The following MYT1L variants were observed in gnomAD, a reference collection of about 807,000 sequenced individuals.
MYT1L encodes the protein myelin transcription factor 1 like, also known as myelin transcription factor 1-like protein.
A neutral mutation model predicts 126.7 loss-of-function variants in MYT1L; 12 were observed. The ratio of observed to expected loss-of-function variants is 0.09; its 90% CI spans 0.06 to 0.15. MYT1L has a LOEUF of 0.15. Among genes scored for constraint, MYT1L ranks in the 10% least tolerant of loss-of-function variants. The pLI is 1.00. For missense variants in MYT1L, 979 were observed against 1,585.2 expected (o/e 0.62, Z 6.49); for synonymous variants, 541 against 604.2 (o/e 0.90, Z 1.53).
At chr2:1,958,236 C>G (rs1418681817) in intron 8 of MYT1L, among the ~76,000 whole-genome samples, 1 of 151,544 alleles carries the variant, frequency 6.6e-6, no homozygotes, top group South Asian at 2.1e-4. Context: ...GGAACCCAGA[C>G]AGCTGGAGGA....
intron 2 of MYT1L, among the ~76,000 whole-genome samples, chr2:2,209,737 A>C (rs61595816): frequency 0.16 from 24,462 of 152,170 alleles, 2,107 homozygotes; most frequent in African/African-American, 0.22. Flanking sequence ...GGCTCTTGTG[A>C]ATAGTCCTTC....
intron 3 of MYT1L, among the ~76,000 whole-genome samples, chr2:2,093,596 T>C (rs1273372732): frequency 6.6e-6 from 1 of 152,196 alleles, no homozygotes; most frequent in Non-Finnish European, 1.5e-5. Flanking sequence ...ATTAGCCCCT[T>C]GTCAGATGAG....
At chr2:2,065,124 G>T (rs1481507175) in intron 3 of MYT1L, among the ~76,000 whole-genome samples, 1 of 152,106 alleles carries the variant, frequency 6.6e-6, no homozygotes, top group African/African-American at 2.4e-5. Flanking sequence ...CTTGGGCCCG[G>T]AAGATTGAGG....
intron 9 of MYT1L, among the ~76,000 whole-genome samples, chr2:1,934,809 G>A (rs1356612871): frequency 4.0e-5 from 6 of 151,700 alleles, no homozygotes; most frequent in East Asian, 1.9e-4. Flanking sequence ...TTGGATGACC[G>A]TGAAGACTCC....
chr2:1,885,913 T>G (rs2048116837), intron 18 of MYT1L, among the ~76,000 whole-genome samples: 1 of 152,168 alleles, frequency 6.6e-6, no homozygotes. Flanking sequence ...AAAATCTCAG[T>G]GTTGCAGTAT....
chr2:1,867,027 G>C (rs1558212172), intron 18 of MYT1L, among the ~76,000 whole-genome samples: 1 of 141,908 alleles, frequency 7.0e-6, no homozygotes, highest in Non-Finnish European at 1.5e-5. Context: ...ATGGGGGAGA[G>C]AGGGAGAGGG....
At chr2:2,197,984 CAT>C (rs148115939) in intron 2 of MYT1L, among the ~76,000 whole-genome samples, 11,337 of 151,302 alleles carry the variant, frequency 0.075, 530 homozygotes, top group South Asian at 0.17. Flanking sequence ...AAATAACATA[CAT>C]ATATATACAT....
chr2:2,312,506 A>G (rs1573471826), intron 1 of MYT1L, among the ~76,000 whole-genome samples: 1 of 152,116 alleles, frequency 6.6e-6, no homozygotes, highest in South Asian at 2.1e-4. Flanking sequence ...CCAGCTACTC[A>G]GGAGGCTGAG....
chr2:1,933,936 T>G (rs1426321849), intron 9 of MYT1L, among the ~76,000 whole-genome samples: 1 of 151,254 alleles, frequency 6.6e-6, no homozygotes, highest in Non-Finnish European at 1.5e-5. Context: ...GATGCAGAGG[T>G]GGAAGTTCAG....
chr2:2,039,283 G>GTCTCAGC (rs2067244949), intron 4 of MYT1L, among the ~76,000 whole-genome samples: 1 of 151,956 alleles, frequency 6.6e-6, no homozygotes, highest in Non-Finnish European at 1.5e-5. Context: ...GGCACCTGTA[G>GTCTCAGC]TCTCAGCTAC....
At chr2:1,924,546 T>G (rs1271662166) in intron 9 of MYT1L, among the ~76,000 whole-genome samples, 1 of 152,204 alleles carries the variant, frequency 6.6e-6, no homozygotes, top group Non-Finnish European at 1.5e-5. Context: ...TCTATGGATT[T>G]TATGCAGAAA....
intron 1 of MYT1L, among the ~76,000 whole-genome samples, chr2:2,308,123 T>C (rs1483505788): frequency 6.6e-6 from 1 of 152,000 alleles, no homozygotes; most frequent in Non-Finnish European, 1.5e-5. Context: ...ACACTCTACG[T>C]ATACTTTACC....
chr2:1,858,887 C>T (rs1030852888), intron 18 of MYT1L, among the ~76,000 whole-genome samples: 10 of 152,222 alleles, frequency 6.6e-5, no homozygotes, highest in Non-Finnish European at 1.0e-4. Flanking sequence ...TCTGCTGCCT[C>T]CCCCATAGGC....
At chr2:1,891,816 C>T (rs186086422) in intron 15 of MYT1L, among the ~76,000 whole-genome samples, 134 of 152,328 alleles carry the variant, frequency 8.8e-4, no homozygotes, top group Non-Finnish European at 1.4e-3. Context: ...AAGATCTGAC[C>T]CTTGCCTCTG....
chr2:2,056,891 T>C (rs189136223), intron 3 of MYT1L, among the ~76,000 whole-genome samples: 3 of 152,334 alleles, frequency 2.0e-5, no homozygotes, highest in Non-Finnish European at 4.4e-5. Flanking sequence ...TGAGTGGGTT[T>C]TTCTTTACGG....
intron 4 of MYT1L, among the ~76,000 whole-genome samples, chr2:2,026,215 G>A (rs940168325): frequency 6.6e-6 from 1 of 152,172 alleles, no homozygotes; most frequent in Admixed American, 6.5e-5. Flanking sequence ...TTCACCCTAT[G>A]CCATATGACG....
At chr2:1,846,929 T>C (rs890520631) in intron 19 of MYT1L, among the ~76,000 whole-genome samples, 7 of 152,188 alleles carry the variant, frequency 4.6e-5, no homozygotes, top group African/African-American at 1.7e-4. Flanking sequence ...TGCTCCTGGC[T>C]CTTCTGCATG....
chr2:1,995,355 C>T (rs924320623), intron 5 of MYT1L, among the ~76,000 whole-genome samples: 4 of 152,250 alleles, frequency 2.6e-5, no homozygotes, highest in South Asian at 4.1e-4. Context: ...GTCCTCACTG[C>T]GCTCTCCTGC....
At chr2:2,129,844 T>G (rs983443794) in intron 3 of MYT1L, among the ~76,000 whole-genome samples, 5 of 150,132 alleles carry the variant, frequency 3.3e-5, no homozygotes, top group African/African-American at 1.2e-4. Flanking sequence ...AGGCGGAGCT[T>G]GCAGTGAGCC....
Sources: gnomAD v4.1 joint callset for allele counts (sites outside exome capture counted in the v4.1 genomes callset) on GRCh38, gnomAD v4.1.1 for gene constraint, MANE v1.5 for transcripts, NCBI Gene and HGNC (gene_info 2026-07-23, HGNC 2026-07-21) for gene names.